ZNF521: variants seen among roughly 807,000 people sequenced by gnomAD.
The protein encoded by ZNF521 is LYST-interacting protein 3.
A neutral mutation model predicts 105.5 loss-of-function variants in ZNF521; 14 were observed. That is an observed-to-expected ratio of 0.13 (90% CI 0.09 to 0.21). The LOEUF is 0.21. Among genes scored for constraint, ZNF521 ranks in the 10% least tolerant of loss-of-function variants. The pLI, the probability that ZNF521 is intolerant of heterozygous loss-of-function variation, is 1.00. For synonymous variants in ZNF521, 635 were observed against 606.0 expected (o/e 1.05, Z -0.70); for missense variants, 1,233 against 1,629.7 (o/e 0.76, Z 4.19).
intron 5 of ZNF521, among the ~76,000 whole-genome samples, chr18:25,138,743 C>T (rs1266177392): frequency 6.6e-6 from 1 of 152,164 alleles, no homozygotes; most frequent in Non-Finnish European, 1.5e-5. Flanking sequence ...CCCGATTTAA[C>T]ATAAAAGGAA....
At chr18:25,137,692 A>G (rs2034762488) in intron 5 of ZNF521, among the ~76,000 whole-genome samples, 1 of 152,104 alleles carries the variant, frequency 6.6e-6, no homozygotes, top group African/African-American at 2.4e-5. Context: ...GTGTGTGCAC[A>G]CACACTTCCT....
chr18:25,212,316 C>T (rs755959711), intron 4 of ZNF521, among the ~76,000 whole-genome samples: 43 of 151,040 alleles, frequency 2.8e-4, no homozygotes, highest in Non-Finnish European at 6.2e-4. Context: ...TCGAGACCAG[C>T]CTGGCCAACA....
chr18:25,068,449 G>A (rs1193758351), intron 7 of ZNF521, among the ~76,000 whole-genome samples: 1 of 152,124 alleles, frequency 6.6e-6, no homozygotes, highest in African/African-American at 2.4e-5. Context: ...GTTACAGGCT[G>A]CAAACAGAAT....
At chr18:25,229,363 A>G (rs1164575048) in intron 3 of ZNF521, among the ~76,000 whole-genome samples, 1 of 152,224 alleles carries the variant, frequency 6.6e-6, no homozygotes, top group Admixed American at 6.5e-5. Context: ...CCACTGCAAC[A>G]AAGCTTCGCC....
intron 3 of ZNF521, among the ~76,000 whole-genome samples, chr18:25,234,943 CAA>C (rs1478747044): frequency 6.6e-6 from 1 of 151,912 alleles, no homozygotes; most frequent in African/African-American, 2.4e-5. Context: ...AATTTATTAA[CAA>C]TATTATTATT....
Position 25,224,625 on chromosome 18 carries a change from T to G in ZNF521, c.3293A>C (p.Asn1098Thr). 6.2e-7 allele frequency: 1 copy of G among 1,614,114 alleles called. No homozygotes were observed. The highest frequency in any genetic ancestry group is 8.5e-7 in the Non-Finnish European group (1 of 1,180,018). The stretch of plus-strand genomic sequence containing the variant: ...GCCTGGGCTGGCGCTCTTACTGAGA[T>G]TCACGCAGCCGGCACACAGACCATA... ...LPYGLCAGCVNLSKSASPGIN... is the reference protein window; with the variant it reads ...LPYGLCAGCVTLSKSASPGIN... The change falls in exon 4 of 8, where the codon AAT becomes ACT. Residue 1098 changes from asparagine to threonine, a missense_variant. Physicochemically the swap from Asn to Thr is moderately conservative, Grantham distance 65. Around this residue, in one of 6 missense-constraint regions of ZNF521, gnomAD observed 614 missense variants for 751.5 expected, o/e 0.82. Coordinates refer to ENST00000361524, the MANE Select transcript of ZNF521 (RefSeq NM_015461.3).
rs553339908 is a variant in ZNF521 at position 25,227,177 on chromosome 18, C to T, written c.741G>A (p.Lys247=). 2 of 1,614,184 alleles carry T rather than the reference C, an allele frequency of 1.2e-6. No individual in the cohort carries two copies. The highest frequency in any genetic ancestry group is 1.3e-5 in the African/African-American group (1 of 75,048). ...MEDWKMKDTQ[K]CSQCEEGFDF... ...CAAAGCCTTCCTCACACTGACTGCA[C>T]TTCTGAGTGTCCTTCATCTTCCAGT... Residue 247 remains lysine, a synonymous_variant, in exon 4 of 8, where the codon AAG becomes AAA. Coordinates refer to ENST00000361524, the MANE Select transcript of ZNF521 (RefSeq NM_015461.3). The surrounding 1 kb of genome is among the most constrained non-coding windows in gnomAD (Gnocchi z 5.7).
At chr18:25,298,908 A>G (rs1911472645) in intron 3 of ZNF521, among the ~76,000 whole-genome samples, 1 of 152,218 alleles carries the variant, frequency 6.6e-6, no homozygotes, top group Non-Finnish European at 1.5e-5. Flanking sequence ...TCTTTTAAAG[A>G]GTGACCATGC....
chr18:25,298,196 C>A (rs751284249), intron 3 of ZNF521, among the ~76,000 whole-genome samples: 1 of 152,102 alleles, frequency 6.6e-6, no homozygotes, highest in Non-Finnish European at 1.5e-5. Flanking sequence ...TGTATATAAC[C>A]ACCCAAAGAA....
chr18:25,338,620 C>T (rs1304973413), intron 2 of ZNF521, among the ~76,000 whole-genome samples: 1 of 152,082 alleles, frequency 6.6e-6, no homozygotes, highest in Non-Finnish European at 1.5e-5. Context: ...CCATGTTGCC[C>T]AGGCCTGTCT....
chr18:25,287,950 T>C (rs1203167324), intron 3 of ZNF521, among the ~76,000 whole-genome samples: 2 of 152,206 alleles, frequency 1.3e-5, no homozygotes, highest in Admixed American at 6.5e-5. Flanking sequence ...AATGTCACAA[T>C]GCTGAAAACA....
chr18:25,309,513 A>G (rs1479479210), intron 3 of ZNF521, among the ~76,000 whole-genome samples: 3 of 152,238 alleles, frequency 2.0e-5, no homozygotes, highest in African/African-American at 7.2e-5. Context: ...TCTCACATAA[A>G]ACTGTAAATC....
At chr18:25,117,244 A>T (rs1474691410) in intron 5 of ZNF521, among the ~76,000 whole-genome samples, 1 of 151,626 alleles carries the variant, frequency 6.6e-6, no homozygotes, top group African/African-American at 2.4e-5. Context: ...TCTCTGTATA[A>T]ATAGAGAGAG....
chr18:25,198,290 C>T (rs1348973131), intron 4 of ZNF521, among the ~76,000 whole-genome samples: 2 of 151,548 alleles, frequency 1.3e-5, no homozygotes, highest in East Asian at 3.9e-4. Context: ...TTTAAATGTG[C>T]CTTTTTGACA....
intron 3 of ZNF521, among the ~76,000 whole-genome samples, chr18:25,297,674 T>A (rs1052210374): frequency 1.3e-4 from 20 of 152,198 alleles, no homozygotes; most frequent in African/African-American, 4.6e-4. Flanking sequence ...TCTGTTATAC[T>A]ATGGTCACAG....
Position 25,281,837 on chromosome 18 carries a change from A to C in ZNF521, c.220+40171T>G, listed in dbSNP as rs544420594. Among the ~76,000 whole-genome samples the C allele has an allele frequency of 3.3e-5, 5 of 152,268 alleles. No homozygotes were observed. The East Asian group carries it at 9.6e-4, about 29-fold the overall frequency. On this transcript the variant is annotated intron_variant, in intron 3 of 7. Coordinates refer to ENST00000361524, the MANE Select transcript of ZNF521 (RefSeq NM_015461.3). Reference sequence around the variant, plus strand: ...GCAGTTTAGAGTATCTTACCAGGCAAGTGGCTAGAATAAAGCATGCGGTCA... The same window carrying C: ...GCAGTTTAGAGTATCTTACCAGGCACGTGGCTAGAATAAAGCATGCGGTCA...
chr18:25,255,307 A>C (rs1378249405), intron 3 of ZNF521, among the ~76,000 whole-genome samples: 2 of 152,118 alleles, frequency 1.3e-5, no homozygotes, highest in Non-Finnish European at 2.9e-5. Flanking sequence ...TGAGAATTTT[A>C]GTAGGTAATG....
chr18:25,213,530 T>C (rs906273931), intron 4 of ZNF521, among the ~76,000 whole-genome samples: 7 of 152,064 alleles, frequency 4.6e-5, no homozygotes, highest in African/African-American at 1.4e-4. Flanking sequence ...TTTTTATACA[T>C]GGATTTAGCT....
intron 7 of ZNF521, among the ~76,000 whole-genome samples, chr18:25,088,219 C>CTTTTT (rs549305074): frequency 6.8e-6 from 1 of 147,716 alleles, no homozygotes; most frequent in Non-Finnish European, 1.5e-5. Flanking sequence ...CTTTTCTTTT[C>CTTTTT]TTTTTTTTTT....
Sources: allele counts gnomAD v4.1 joint callset (sites outside exome capture counted in the v4.1 genomes callset), GRCh38; gene constraint gnomAD v4.1.1; regional missense constraint gnomAD v4.1.1; non-coding constraint Gnocchi (gnomAD v3.1); transcripts MANE v1.5; gene names NCBI Gene and HGNC (gene_info 2026-07-23, HGNC 2026-07-21).